Variants in PTPRT observed in about 807,000 individuals in gnomAD.
PTPRT encodes the protein receptor-type tyrosine-protein phosphatase T.
Under a neutral mutation model 176.8 loss-of-function variants are expected in PTPRT, and 56 were observed. The ratio of observed to expected loss-of-function variants is 0.32; its 90% CI spans 0.26 to 0.40. The LOEUF is 0.40. PTPRT is among the 10% of genes least tolerant of loss of function. The probability of loss-of-function intolerance (pLI) is 1.00; values close to 1 mark genes in which losing one functional copy is unlikely to be tolerated. For synonymous variants in PTPRT, 783 were observed against 739.0 expected, an observed-to-expected ratio of 1.06 and a Z score of -0.96; for missense variants, 1,540 against 1,908.2, an observed-to-expected ratio of 0.81 and a Z score of 3.60.
intron 9 of PTPRT, among the ~76,000 whole-genome samples, chr20:42,425,774 A>T (rs541723406): frequency 6.6e-6 from 1 of 152,298 alleles, no homozygotes; most frequent in South Asian, 2.1e-4. Context: ...CTGGGGTAAA[A>T]GAGAGGTAAT....
At chr20:42,702,019 A>C (rs2075980975) in intron 6 of PTPRT, among the ~76,000 whole-genome samples, 1 of 151,912 alleles carries the variant, frequency 6.6e-6, no homozygotes, top group Non-Finnish European at 1.5e-5. Flanking sequence ...CCCTTACCCT[A>C]ACCCGACTCT....
At chr20:42,588,677 T>C (rs2145748825) in intron 7 of PTPRT, among the ~76,000 whole-genome samples, 1 of 152,308 alleles carries the variant, frequency 6.6e-6, no homozygotes, top group Admixed American at 6.5e-5. Context: ...TGGTTCCTAT[T>C]TTTAAAAATA....
chr20:42,191,805 GAA>G (rs1991013410), intron 16 of PTPRT, among the ~76,000 whole-genome samples: 1 of 152,180 alleles, frequency 6.6e-6, no homozygotes, highest in Non-Finnish European at 1.5e-5. Flanking sequence ...TGGCTTAATT[GAA>G]GAGAGAATAC....
chr20:42,542,748 T>C (rs923286842), intron 7 of PTPRT, among the ~76,000 whole-genome samples: 1 of 152,214 alleles, frequency 6.6e-6, no homozygotes, highest in African/African-American at 2.4e-5. Flanking sequence ...ATATATCTAT[T>C]AGCAGGGGAC....
intron 1 of PTPRT, among the ~76,000 whole-genome samples, chr20:43,066,010 A>T (rs1402106892): frequency 6.6e-6 from 1 of 152,130 alleles, no homozygotes; most frequent in African/African-American, 2.4e-5. Flanking sequence ...ATACCCCTAT[A>T]TCTGCAAAAG....
At chr20:42,107,855 C>T (rs1181147743) in intron 23 of PTPRT, among the ~76,000 whole-genome samples, 2 of 152,198 alleles carry the variant, frequency 1.3e-5, no homozygotes, top group Non-Finnish European at 2.9e-5. Context: ...ATCCAAGGGG[C>T]ACAGGCCAGT....
At chr20:42,430,400 C>T (rs973140769) in intron 9 of PTPRT, among the ~76,000 whole-genome samples, 2 of 152,124 alleles carry the variant, frequency 1.3e-5, no homozygotes, top group African/African-American at 4.8e-5. Context: ...ACAGTGCAGA[C>T]CCTGACTCAG....
At chr20:42,105,802 G>C (rs1008534667) in intron 24 of PTPRT, among the ~76,000 whole-genome samples, 1 of 152,230 alleles carries the variant, frequency 6.6e-6, no homozygotes, top group African/African-American at 2.4e-5. Context: ...ATTCACTGCA[G>C]ATTCAGAGAG....
intron 1 of PTPRT, among the ~76,000 whole-genome samples, chr20:42,899,400 C>T (rs1326195475): frequency 6.6e-6 from 1 of 152,198 alleles, no homozygotes; most frequent in Non-Finnish European, 1.5e-5. Flanking sequence ...TTCACGGTCT[C>T]AGGGTCTTGG....
chr20:42,712,884 C>T (rs868567106), intron 6 of PTPRT, among the ~76,000 whole-genome samples: 49 of 152,138 alleles, frequency 3.2e-4, no homozygotes, highest in African/African-American at 1.1e-3. Flanking sequence ...ATCCAAATGC[C>T]CACCTATAGA....
intron 16 of PTPRT, among the ~76,000 whole-genome samples, chr20:42,184,502 T>TCCA: frequency 8.1e-6 from 1 of 123,520 alleles, no homozygotes; most frequent in Non-Finnish European, 1.7e-5. Context: ...CCTCCCCCCT[T>TCCA]CCTCCTCCTC....
At chr20:42,042,336 G>A in the PTPRT span, among the ~76,000 whole-genome samples, 2 of 152,214 alleles carry the variant, frequency 1.3e-5, no homozygotes, top group Admixed American at 6.5e-5. Flanking sequence ...TGCATACCAT[G>A]CAGCAAAACA....
intron 7 of PTPRT, among the ~76,000 whole-genome samples, chr20:42,511,427 C>T (rs546873875): frequency 6.6e-6 from 1 of 151,990 alleles, no homozygotes; most frequent in South Asian, 2.1e-4. Flanking sequence ...TCGAAGGAAG[C>T]CAGGACAGGA....
intron 9 of PTPRT, among the ~76,000 whole-genome samples, chr20:42,359,627 G>A (rs927358689): frequency 1.3e-5 from 2 of 152,218 alleles, no homozygotes; most frequent in Admixed American, 6.5e-5. Context: ...AGCTTTAAGC[G>A]ACTGAAGCTC....
In PTPRT at chr20:42,431,367, T is replaced by A. The variant is rs551926863; in HGVS notation, c.1560+16853A>T. On this transcript the variant is annotated intron_variant, in intron 9 of 30. Transcript: ENST00000373187. ...GTTTATCATAGTGTTATCAAATATATAAAAAATAAAGGGATGGATAAGAAA... is the reference window on the plus strand; with the variant it reads ...GTTTATCATAGTGTTATCAAATATAAAAAAAATAAAGGGATGGATAAGAAA... 9.2e-5 allele frequency among the ~76,000 whole-genome samples: 14 copies of A among 152,064 alleles called. No individual in the cohort carries two copies. In the East Asian group the frequency reaches 2.7e-3, roughly 29 times the overall value.
intron 15 of PTPRT, among the ~76,000 whole-genome samples, chr20:42,204,183 C>T (rs1045527241): frequency 4.6e-5 from 7 of 152,144 alleles, no homozygotes; most frequent in East Asian, 1.9e-4. Context: ...ATATTTTGGG[C>T]GGTAACTTAG....
chr20:42,314,541 AAG>A (rs1555822119), intron 12 of PTPRT, among the ~76,000 whole-genome samples: 28 of 130,124 alleles, frequency 2.2e-4, no homozygotes, highest in African/African-American at 7.4e-4. Flanking sequence ...AAAAAAAAAA[AAG>A]AAAGAAAAGA....
chr20:42,970,145 C>T (rs1027971509), intron 1 of PTPRT, among the ~76,000 whole-genome samples: 3 of 152,140 alleles, frequency 2.0e-5, no homozygotes, highest in Non-Finnish European at 4.4e-5. Context: ...CAGTTCAGTC[C>T]CTGTTTGTTC....
At chr20:42,480,250 G>A (rs138705187) in intron 7 of PTPRT, among the ~76,000 whole-genome samples, 10 of 152,220 alleles carry the variant, frequency 6.6e-5, no homozygotes, top group African/African-American at 2.4e-4. Flanking sequence ...CACTCTTAGG[G>A]CTATGAGGTG....
Sources: gnomAD v4.1 joint callset for allele counts (sites outside exome capture counted in the v4.1 genomes callset) on GRCh38, gnomAD v4.1.1 for gene constraint, MANE v1.5 for transcripts, NCBI Gene and HGNC (gene_info 2026-07-23, HGNC 2026-07-21) for gene names.